The following FRMD4B variants were observed in gnomAD, a reference collection of about 807,000 sequenced individuals.
FRMD4B encodes the protein FERM domain-containing protein 4B.
Under a neutral mutation model 141.5 loss-of-function variants are expected in FRMD4B, and 74 were observed. The observed-to-expected ratio is 0.52, with a 90% confidence interval of 0.43 to 0.63. The LOEUF (loss-of-function observed/expected upper bound fraction) is 0.63, where lower values mean the gene tolerates loss of function less well. Ranked by LOEUF, FRMD4B falls within the 30% of genes least tolerant of loss-of-function variation. The pLI, the probability that FRMD4B is intolerant of heterozygous loss-of-function variation, is 0.00. For synonymous variants in FRMD4B, 506 were observed against 467.9 expected (o/e 1.08, Z -1.05); for missense variants, 1,366 against 1,253.4 (o/e 1.09, Z -1.36).
intron 1 of FRMD4B, among the ~76,000 whole-genome samples, chr3:69,499,498 G>A (rs1228585308): frequency 6.6e-6 from 1 of 152,170 alleles, no homozygotes; most frequent in Non-Finnish European, 1.5e-5. Context: ...GACTAGATGT[G>A]AAGGAGAATG....
At chr3:69,226,909 G>T (rs138895278) in intron 7 of FRMD4B, among the ~76,000 whole-genome samples, 196 of 152,256 alleles carry the variant, frequency 1.3e-3, no homozygotes, top group Non-Finnish European at 2.3e-3. Context: ...GTTGTCCTTA[G>T]TCCTATGTCC....
intron 1 of FRMD4B, among the ~76,000 whole-genome samples, chr3:69,353,056 T>G (rs1703201165): frequency 6.6e-6 from 1 of 151,618 alleles, no homozygotes; most frequent in African/African-American, 2.4e-5. Flanking sequence ...TCTCTGTCTT[T>G]TCTACATCCA....
intron 1 of FRMD4B, among the ~76,000 whole-genome samples, chr3:69,349,606 G>A (rs1235732302): frequency 1.3e-5 from 2 of 151,990 alleles, no homozygotes; most frequent in African/African-American, 2.4e-5. Flanking sequence ...AAAAAGCATG[G>A]TACTGGTACC....
intron 2 of FRMD4B, among the ~76,000 whole-genome samples, chr3:69,392,153 A>G (rs1401101876): frequency 2.6e-5 from 4 of 152,230 alleles, no homozygotes; most frequent in African/African-American, 9.6e-5. Context: ...CGCACTATGC[A>G]TCAGGCAGGG....
At chr3:69,458,261 G>C (rs1371018267) in intron 1 of FRMD4B, among the ~76,000 whole-genome samples, 1 of 152,156 alleles carries the variant, frequency 6.6e-6, no homozygotes, top group African/African-American at 2.4e-5. Context: ...CTATTGACTA[G>C]ATTTTTACAT....
chr3:69,456,820 A>G (rs938236026), intron 1 of FRMD4B, among the ~76,000 whole-genome samples: 1 of 151,746 alleles, frequency 6.6e-6, no homozygotes, highest in East Asian at 1.9e-4. Flanking sequence ...GACTGGCTAA[A>G]TAAAGTTTTA....
At chr3:69,521,998 C>T (rs1362118407) in intron 1 of FRMD4B, among the ~76,000 whole-genome samples, 1 of 152,194 alleles carries the variant, frequency 6.6e-6, no homozygotes, top group Non-Finnish European at 1.5e-5. Flanking sequence ...TCAATGAATG[C>T]ACCCTTTAGC....
intron 1 of FRMD4B, among the ~76,000 whole-genome samples, chr3:69,534,690 G>C (rs1021381498): frequency 2.6e-5 from 4 of 152,092 alleles, no homozygotes; most frequent in Non-Finnish European, 4.4e-5. Flanking sequence ...TCATCTCAAG[G>C]CTCCCTTCCA....
At chr3:69,316,733 C>T (rs1164662921) in intron 1 of FRMD4B, among the ~76,000 whole-genome samples, 1 of 152,156 alleles carries the variant, frequency 6.6e-6, no homozygotes, top group African/African-American at 2.4e-5. Flanking sequence ...CTCAAAAGAT[C>T]ACACAGTATT....
Position 69,181,059 on chromosome 3 carries a change from C to T in FRMD4B, c.2691G>A (p.Glu897=), listed in dbSNP as rs765927903. The T allele has an allele frequency of 5.6e-6, 9 of 1,614,008 alleles. No homozygotes were observed. The East Asian group carries it at 2.0e-4, about 36-fold the overall frequency. ...TKNIHKALVA[E]HLRGWYQRAS... is the part of the protein sequence containing the mutation. ...CCCGCTGGTACCAGCCACGCAAGTG[C>T]TCGGCAACTAAGGCCTTGTGGATGT... The change falls in exon 21 of 23, where the codon GAG becomes GAA. Residue 897 remains glutamate, a synonymous_variant. Transcript: ENST00000398540.
chr3:69,478,894 T>C (rs1706056639), intron 1 of FRMD4B, among the ~76,000 whole-genome samples: 1 of 151,622 alleles, frequency 6.6e-6, no homozygotes, highest in Non-Finnish European at 1.5e-5. Flanking sequence ...TGCTCCTGTA[T>C]TGGGTGCATA....
At chr3:69,298,719 C>T (rs1701113599) in intron 4 of FRMD4B, among the ~76,000 whole-genome samples, 1 of 152,178 alleles carries the variant, frequency 6.6e-6, no homozygotes, top group Admixed American at 6.5e-5. Context: ...TGTCTCATCT[C>T]CTGCATGCCT....
At position 69,255,095 on chromosome 3, in the gene FRMD4B, TTAAA is replaced by T. The variant is rs377535966; in HGVS notation, c.502-5000_502-4997del. On this transcript the variant is annotated intron_variant, in intron 5 of 22. Transcript: ENST00000398540. Reference sequence around the variant, plus strand: ...GTTACTGGGACAACTGGACTGTATATTAAATAAATAGTAGAGGTTCAATGTTAAA... The same window carrying T: ...GTTACTGGGACAACTGGACTGTATATTAAATAGTAGAGGTTCAATGTTAAA... 4.1e-3 allele frequency among the ~76,000 whole-genome samples: 619 copies of T among 152,300 alleles called. 1 individual carries two copies. Among genetic ancestry groups the T allele is most frequent in the Non-Finnish European group, 7.1e-3 (482 of 68,024 alleles).
chr3:69,285,974 CAAT>C (rs1327315038), intron 5 of FRMD4B, among the ~76,000 whole-genome samples: 1 of 152,106 alleles, frequency 6.6e-6, no homozygotes, highest in African/African-American at 2.4e-5. Flanking sequence ...TCATCAGAAA[CAAT>C]GCAAGCAAGA....
chr3:69,415,409 T>C (rs922071853), intron 2 of FRMD4B, among the ~76,000 whole-genome samples: 2 of 152,162 alleles, frequency 1.3e-5, no homozygotes, highest in African/African-American at 4.8e-5. Context: ...GAGTCTTCTA[T>C]GTCTGTGGTC....
At chr3:69,174,921 C>G (rs776259820) in intron 22 of FRMD4B, among the ~76,000 whole-genome samples, 5 of 152,172 alleles carry the variant, frequency 3.3e-5, no homozygotes, top group Non-Finnish European at 7.4e-5. Flanking sequence ...GCTCCTAACT[C>G]ATTTTCAAAC....
At chr3:69,337,688 CA>C (rs1702602231) in intron 1 of FRMD4B, among the ~76,000 whole-genome samples, 1 of 152,164 alleles carries the variant, frequency 6.6e-6, no homozygotes, top group Non-Finnish European at 1.5e-5. Flanking sequence ...CTTATGCAGC[CA>C]AAAGACCCAT....
chr3:69,409,214 G>C (rs771727630), intron 2 of FRMD4B, among the ~76,000 whole-genome samples: 1 of 152,144 alleles, frequency 6.6e-6, no homozygotes, highest in African/African-American at 2.4e-5. Flanking sequence ...AGAAGGCAGA[G>C]GTTACTAGCG....
chr3:69,284,556 C>T (rs1303591850), intron 5 of FRMD4B, among the ~76,000 whole-genome samples: 1 of 152,102 alleles, frequency 6.6e-6, no homozygotes, highest in East Asian at 1.9e-4. Flanking sequence ...AAACCATATT[C>T]AATCAACTAA....
Sources: gnomAD v4.1 joint callset for allele counts (sites outside exome capture counted in the v4.1 genomes callset) on GRCh38, gnomAD v4.1.1 for gene constraint, MANE v1.5 for transcripts, NCBI Gene and HGNC (gene_info 2026-07-23, HGNC 2026-07-21) for gene names.